KCNB2: variants seen among roughly 807,000 people sequenced by gnomAD.
The protein encoded by KCNB2 is potassium voltage-gated channel subfamily B member 2, also known as delayed rectifier potassium channel protein.
KCNB2 carries 15 observed loss-of-function variants against 61.5 expected under a neutral mutation model. The ratio of observed to expected loss-of-function variants is 0.24; its 90% CI spans 0.16 to 0.38. KCNB2 has a LOEUF of 0.38. Among genes scored for constraint, KCNB2 ranks in the 10% least tolerant of loss-of-function variants. The pLI, the probability that KCNB2 is intolerant of heterozygous loss-of-function variation, is 1.00. For missense variants in KCNB2, 828 were observed against 1,125.2 expected, an observed-to-expected ratio of 0.74 and a Z score of 3.78; for synonymous variants, 457 against 446.0, an observed-to-expected ratio of 1.02 and a Z score of -0.31.
chr8:72,675,270 A>AT (rs1261635517), intron 2 of KCNB2, among the ~76,000 whole-genome samples: 20 of 152,222 alleles, frequency 1.3e-4, no homozygotes, highest in African/African-American at 4.8e-4. Context: ...GATGGAAGCA[A>AT]TGAGTAGCAG....
intron 2 of KCNB2, among the ~76,000 whole-genome samples, chr8:72,668,355 T>C (rs1405405994): frequency 1.3e-5 from 2 of 152,128 alleles, no homozygotes; most frequent in African/African-American, 4.8e-5. Context: ...TAAATCACAT[T>C]ATTAACATAA....
intron 2 of KCNB2, among the ~76,000 whole-genome samples, chr8:72,821,935 A>G (rs947393542): frequency 5.9e-5 from 9 of 152,100 alleles, no homozygotes; most frequent in Non-Finnish European, 8.8e-5. Context: ...CCAGTCAGTT[A>G]CCAAGTCCAG....
intron 2 of KCNB2, among the ~76,000 whole-genome samples, chr8:72,700,772 G>A (rs1254750237): frequency 6.6e-6 from 1 of 152,090 alleles, no homozygotes; most frequent in Non-Finnish European, 1.5e-5. Context: ...CTACCAAGAA[G>A]ACACATGTAC....
intron 2 of KCNB2, among the ~76,000 whole-genome samples, chr8:72,740,502 A>G (rs1291042068): frequency 6.6e-6 from 1 of 152,194 alleles, no homozygotes; most frequent in South Asian, 2.1e-4. Flanking sequence ...GTAGTCATTC[A>G]TATCTCATAT....
chr8:72,763,156 C>T (rs1196004039), intron 2 of KCNB2, among the ~76,000 whole-genome samples: 1 of 151,882 alleles, frequency 6.6e-6, no homozygotes, highest in Non-Finnish European at 1.5e-5. Context: ...AAGGGCTTCT[C>T]TCTAGAGTTT....
intron 2 of KCNB2, among the ~76,000 whole-genome samples, chr8:72,654,002 G>C (rs908731946): frequency 6.6e-6 from 1 of 152,138 alleles, no homozygotes; most frequent in Non-Finnish European, 1.5e-5. Context: ...ATTCTGTTAA[G>C]ACAAGATTAG....
At chr8:72,679,131 C>G (rs1344701529) in intron 2 of KCNB2, among the ~76,000 whole-genome samples, 1 of 152,092 alleles carries the variant, frequency 6.6e-6, no homozygotes, top group Non-Finnish European at 1.5e-5. Flanking sequence ...GATCTTATTT[C>G]ATGGCAGGTT....
intron 2 of KCNB2, among the ~76,000 whole-genome samples, chr8:72,888,093 TTTGTTGTTG>T (rs146706652): frequency 5.9e-5 from 9 of 151,904 alleles, no homozygotes; most frequent in African/African-American, 1.5e-4. Flanking sequence ...TGATTGCCAG[TTTGTTGTTG>T]TTGTTGTTGT....
At chr8:72,559,114 CTTTATTTTATTTTGTTTTATTTTAT>C (rs1293643027) in intron 1 of KCNB2, among the ~76,000 whole-genome samples, 1 of 151,464 alleles carries the variant, frequency 6.6e-6, no homozygotes, top group African/African-American at 2.4e-5. Flanking sequence ...CTTTTTCTTT[CTTTATTTTATTTTGTTTTATTTTAT>C]TTTATTTTAT....
At chr8:72,846,917 C>T (rs988664868) in intron 2 of KCNB2, among the ~76,000 whole-genome samples, 3 of 152,186 alleles carry the variant, frequency 2.0e-5, no homozygotes, top group East Asian at 3.9e-4. Flanking sequence ...GGTATATACC[C>T]AAAGGATTAT....
chr8:72,588,954 G>A (rs1475617157), intron 2 of KCNB2, among the ~76,000 whole-genome samples: 1 of 152,046 alleles, frequency 6.6e-6, no homozygotes, highest in Non-Finnish European at 1.5e-5. Flanking sequence ...TCACATAGCT[G>A]GTCAGTGGCT....
chr8:72,722,170 C>T (rs1352181156), intron 2 of KCNB2, among the ~76,000 whole-genome samples: 4 of 152,214 alleles, frequency 2.6e-5, no homozygotes, highest in African/African-American at 9.6e-5. Context: ...TCTGTGCAGG[C>T]TATCCTGGTG....
At chr8:72,919,374 C>A (rs1396313411) in intron 2 of KCNB2, among the ~76,000 whole-genome samples, 2 of 152,150 alleles carry the variant, frequency 1.3e-5, no homozygotes, top group African/African-American at 4.8e-5. Flanking sequence ...GGAAGTGATT[C>A]TCACTATGGA....
At chr8:72,729,046 ATTAAAGTG>A (rs1165218278) in intron 2 of KCNB2, among the ~76,000 whole-genome samples, 1 of 152,196 alleles carries the variant, frequency 6.6e-6, no homozygotes, top group East Asian at 1.9e-4. Flanking sequence ...TGTCCTGGCA[ATTAAAGTG>A]ATCAAAGAAA....
At chr8:72,614,026 T>C (rs187035129) in intron 2 of KCNB2, among the ~76,000 whole-genome samples, 12 of 152,322 alleles carry the variant, frequency 7.9e-5, no homozygotes, top group African/African-American at 2.4e-5. Context: ...CAGTGGATTC[T>C]CCTGTAGAAA....
At chr8:72,848,425 T>C (rs902892679) in intron 2 of KCNB2, among the ~76,000 whole-genome samples, 2 of 151,936 alleles carry the variant, frequency 1.3e-5, no homozygotes, top group African/African-American at 4.8e-5. Flanking sequence ...CAATTTATTA[T>C]TTGTAAAGAA....
chr8:72,743,111 A>G (rs1162349312), intron 2 of KCNB2, among the ~76,000 whole-genome samples: 2 of 152,204 alleles, frequency 1.3e-5, no homozygotes, highest in Non-Finnish European at 2.9e-5. Flanking sequence ...TCCAGGTGAA[A>G]CCATGGATAT....
At chr8:72,786,220 G>A (rs962914574) in intron 2 of KCNB2, among the ~76,000 whole-genome samples, 2 of 152,026 alleles carry the variant, frequency 1.3e-5, no homozygotes, top group Non-Finnish European at 2.9e-5. Flanking sequence ...TTTAATATAT[G>A]TGCACTCATT....
chr8:72,666,302 C>T (rs1211362415), intron 2 of KCNB2, among the ~76,000 whole-genome samples: 2 of 151,772 alleles, frequency 1.3e-5, no homozygotes, highest in Non-Finnish European at 2.9e-5. Context: ...TTTTCGATCC[C>T]TTTTTCATAG....
Sources: allele counts gnomAD v4.1 joint callset (sites outside exome capture counted in the v4.1 genomes callset), GRCh38; gene constraint gnomAD v4.1.1; transcripts MANE v1.5; gene names NCBI Gene and HGNC (gene_info 2026-07-23, HGNC 2026-07-21).